Variants in MTMR7 observed in about 807,000 individuals in gnomAD.
MTMR7 encodes myotubularin related protein 7.
MTMR7 carries 76 observed loss-of-function variants against 81.2 expected under a neutral mutation model. The ratio of observed to expected loss-of-function variants is 0.94; its 90% confidence interval spans 0.78 to 1.13. The LOEUF (loss-of-function observed/expected upper bound fraction) is 1.13. MTMR7 is among the 50% of genes most tolerant of loss of function. The probability of loss-of-function intolerance (pLI) is 0.00; values close to 1 mark genes in which losing one functional copy is unlikely to be tolerated. For synonymous variants in MTMR7, 372 were observed against 289.8 expected, an observed-to-expected ratio of 1.28 and a Z score of -2.88; for missense variants, 1,044 against 820.0, an observed-to-expected ratio of 1.27 and a Z score of -3.34.
At chr8:17,326,664 A>G (rs1213049793) in intron 7 of MTMR7, among the ~76,000 whole-genome samples, 3 of 152,248 alleles carry the variant, frequency 2.0e-5, no homozygotes, top group Admixed American at 2.0e-4. Context: ...ACAGGCTGCC[A>G]TGCTGTGAAC....
At chr8:17,388,955 T>C (rs1297578002) in intron 1 of MTMR7, among the ~76,000 whole-genome samples, 2 of 152,314 alleles carry the variant, frequency 1.3e-5, no homozygotes, top group South Asian at 2.1e-4. Context: ...CCCTAAAGTG[T>C]CCATCATTCC....
chr8:17,350,324 G>A (rs964644074), intron 4 of MTMR7, among the ~76,000 whole-genome samples: 1 of 152,204 alleles, frequency 6.6e-6, no homozygotes, highest in Non-Finnish European at 1.5e-5. Flanking sequence ...AGGTTTAATG[G>A]ACTCACAGTT....
Position 17,302,354 on chromosome 8 carries a change from G to A in MTMR7, c.1494-74C>T, listed in dbSNP as rs1016689595. 14 of 1,498,410 alleles carry A rather than the reference G, an allele frequency of 9.3e-6. No homozygotes were observed. In the African/African-American group the frequency reaches 1.3e-4, roughly 14 times the overall value. 92.8% of individuals were successfully genotyped at this position (1,498,410 alleles called of 1,614,324 possible). ...AATTCACATCCTCAAGTCTTCTAAGGTATCTATGATACCACAGTCTTAATA... is the reference window on the plus strand; with the variant it reads ...AATTCACATCCTCAAGTCTTCTAAGATATCTATGATACCACAGTCTTAATA... On this transcript the variant is annotated intron_variant, in intron 12 of 13. Transcript: ENST00000180173.
chr8:17,378,571 C>A (rs1199031071), intron 1 of MTMR7, among the ~76,000 whole-genome samples: 2 of 152,132 alleles, frequency 1.3e-5, no homozygotes, highest in Non-Finnish European at 2.9e-5. Context: ...AGGAAACAAC[C>A]AGCTTCTCAA....
rs1206457117 is a variant in MTMR7, at chr8:17,349,056, A to T, written c.494T>A (p.Leu165Gln). ...YRVCDSYPTE[L>Q]YVPKSATAHI... Reference sequence around the variant, plus strand: ...TGCCGTGGCCGATTTGGGAACGTACAGTTCAGTAGGATAAGAGTCACAGAC... The same window carrying T: ...TGCCGTGGCCGATTTGGGAACGTACTGTTCAGTAGGATAAGAGTCACAGAC... The change falls in exon 5 of 14, where the codon CTG becomes CAG. Residue 165 changes from leucine to glutamine, a missense_variant. By Grantham distance (113) the Leu-to-Gln change is moderately radical (BLOSUM62 -2). Coordinates refer to ENST00000180173, the MANE Select transcript of MTMR7 (RefSeq NM_004686.5). 7 of 1,612,580 alleles carry T rather than the reference A, an allele frequency of 4.3e-6. No individual in the cohort carries two copies. The highest frequency in any genetic ancestry group is 5.1e-6 in the Non-Finnish European group (6 of 1,179,834).
intron 8 of MTMR7, 23 bp from the exon 9 acceptor site, chr8:17,311,659 A>G: frequency 6.2e-7 from 1 of 1,613,896 alleles, no homozygotes; most frequent in Non-Finnish European, 8.5e-7. Context: ...CGATCCGCAA[A>G]GAGTCACAAA....
At chr8:17,407,898 A>C (rs1045477820) in intron 1 of MTMR7, among the ~76,000 whole-genome samples, 1 of 152,234 alleles carries the variant, frequency 6.6e-6, no homozygotes, top group Non-Finnish European at 1.5e-5. Flanking sequence ...GATCAAGAGA[A>C]GGCAAACCTC....
chr8:17,299,913 T>C lies in MTMR7; in HGVS notation c.1932A>G (p.Glu644=). The change falls in exon 14 of 14, where the codon GAA becomes GAG. Residue 644 remains glutamate (E), a synonymous_variant. Transcript: ENST00000180173. ...CAGAATCCCGGTCCTTGCCACTATCTTCACTCGGTGCATGCTCACCACCAC... is the reference window on the plus strand; with the variant it reads ...CAGAATCCCGGTCCTTGCCACTATCCTCACTCGGTGCATGCTCACCACCAC... ...SPSGGEHAPS[E]DSGKDRDSDE... 1 of 1,614,132 alleles carries C rather than the reference T, an allele frequency of 6.2e-7. No homozygotes were observed.
chr8:17,411,992 A>C (rs1316440613), intron 1 of MTMR7, among the ~76,000 whole-genome samples: 1 of 152,244 alleles, frequency 6.6e-6, no homozygotes, highest in Non-Finnish European at 1.5e-5. Flanking sequence ...TAAATTATTT[A>C]GTACCACTTA....
At chr8:17,373,939 G>A (rs1277452310) in intron 1 of MTMR7, among the ~76,000 whole-genome samples, 1 of 152,162 alleles carries the variant, frequency 6.6e-6, no homozygotes, top group African/African-American at 2.4e-5. Flanking sequence ...ATCCTAACAT[G>A]AAATGTAATG....
intron 3 of MTMR7, among the ~76,000 whole-genome samples, chr8:17,369,037 C>G (rs80333987): frequency 6.6e-6 from 1 of 152,226 alleles, no homozygotes; most frequent in East Asian, 1.9e-4. Flanking sequence ...CTGTGATTCA[C>G]TCATCACCAG....
intron 7 of MTMR7, 27 bp from the exon 8 acceptor site, chr8:17,313,428 C>G (rs754045193): frequency 4.8e-6 from 7 of 1,452,466 alleles, no homozygotes; most frequent in South Asian, 4.8e-5. Context: ...GTTATAAAAG[C>G]AAAATTAAGG....
At chr8:17,324,199 TGAAG>T (rs1818551921) in intron 7 of MTMR7, among the ~76,000 whole-genome samples, 1 of 152,188 alleles carries the variant, frequency 6.6e-6, no homozygotes, top group Non-Finnish European at 1.5e-5. Flanking sequence ...TCAGAATAAA[TGAAG>T]GAAGCACTTG....
chr8:17,301,550 T>C (rs1471245337), intron 13 of MTMR7: 2 of 152,158 alleles, frequency 1.3e-5, no homozygotes, highest in Admixed American at 1.3e-4. Context: ...AATTTTGACT[T>C]TGTAATAAGG....
Position 17,408,902 on chromosome 8 carries a change from T to G in MTMR7, c.24+4367A>C, listed in dbSNP as rs113953255. Among the ~76,000 whole-genome samples, 1,464 of 152,310 alleles carry G rather than the reference T, an allele frequency of 9.6e-3. 31 individuals are homozygous for G. Among genetic ancestry groups the G allele is most frequent in the African/African-American group, 0.032 (1,327 of 41,558 alleles). ...GTTCTAGAACCAGATGGTGGTGATG[T>G]CTGCACAATATGTAAATATACTAAA... On this transcript the variant is annotated intron_variant, in intron 1 of 13. Transcript: ENST00000180173.
chr8:17,312,362 G>T (rs1217586584), intron 8 of MTMR7, among the ~76,000 whole-genome samples: 3 of 152,062 alleles, frequency 2.0e-5, no homozygotes, highest in Admixed American at 1.3e-4. Flanking sequence ...ATCACCTGAG[G>T]TCAGGAGTCC....
intron 7 of MTMR7, among the ~76,000 whole-genome samples, chr8:17,330,781 T>C (rs1005342082): frequency 5.3e-5 from 8 of 152,208 alleles, no homozygotes; most frequent in African/African-American, 1.4e-4. Context: ...TTTTTGAGCC[T>C]GATCTCCATA....
At chr8:17,392,521 T>C (rs1216816778) in intron 1 of MTMR7, among the ~76,000 whole-genome samples, 2 of 152,256 alleles carry the variant, frequency 1.3e-5, no homozygotes, top group Non-Finnish European at 1.5e-5. Context: ...TGTTTCCCAC[T>C]TTCTTCTCCA....
intron 3 of MTMR7, among the ~76,000 whole-genome samples, chr8:17,365,669 T>C (rs1189237540): frequency 6.6e-6 from 1 of 152,190 alleles, no homozygotes; most frequent in Non-Finnish European, 1.5e-5. Flanking sequence ...CAAAATGCCT[T>C]TGGACTGTGG....
Sources: gnomAD v4.1 joint callset for allele counts (sites outside exome capture counted in the v4.1 genomes callset) on GRCh38, gnomAD v4.1.1 for gene constraint, MANE v1.5 for transcripts, NCBI Gene and HGNC (gene_info 2026-07-23, HGNC 2026-07-21) for gene names.